Variants in NAV1 observed in about 807,000 individuals in gnomAD.
NAV1 encodes the protein neuron navigator 1.
Under a neutral mutation model 175.2 loss-of-function variants are expected in NAV1, and 18 were observed. That is an observed-to-expected ratio of 0.10 (90% CI 0.07 to 0.15). The LOEUF is 0.15. Ranked by LOEUF, NAV1 falls within the 10% of genes least tolerant of loss-of-function variation. NAV1 has a pLI of 1.00. For synonymous variants in NAV1, 897 were observed against 978.7 expected (o/e 0.92, Z 1.56); for missense variants, 1,731 against 2,436.6 (o/e 0.71, Z 6.10).
intron 10 of NAV1, among the ~76,000 whole-genome samples, chr1:201,789,353 A>G (rs1676963023): frequency 6.6e-6 from 1 of 152,206 alleles, no homozygotes; most frequent in Admixed American, 6.5e-5. Flanking sequence ...AGGCGCGGGC[A>G]GAATTTCAGT....
At chr1:201,570,008 G>A (rs1666482746) in intron 1 of NAV1, among the ~76,000 whole-genome samples, 1 of 152,204 alleles carries the variant, frequency 6.6e-6, no homozygotes, top group Non-Finnish European at 1.5e-5. Flanking sequence ...GATGACGGAT[G>A]TGGAAATATT....
In NAV1 at chr1:201,750,353, A is replaced by G. The variant is rs1674025923; in HGVS notation, c.1227-30068A>G. 6.6e-6 allele frequency among the ~76,000 whole-genome samples: 1 copy of G among 152,140 alleles called. No individual in the cohort carries two copies. The highest frequency in any genetic ancestry group is 1.5e-5 in the Non-Finnish European group (1 of 68,016). On this transcript the variant is annotated intron_variant, in intron 3 of 29. Coordinates refer to ENST00000367296, the Ensembl canonical transcript of NAV1. This position sits in a 1 kb window ranked among gnomAD's most constrained non-coding sequence, Gnocchi z 4.1. ...GAGAAATGACTGAGGTAAACTGTTC[A>G]TGGTATGAGAGTTGACCAAGTCAGG...
intron 1 of NAV1, among the ~76,000 whole-genome samples, chr1:201,577,417 G>A (rs931590030): frequency 2.7e-5 from 4 of 148,826 alleles, no homozygotes; most frequent in South Asian, 2.1e-4. Context: ...TTTATGTTTC[G>A]CATTTAAACA....
intron 3 of NAV1, among the ~76,000 whole-genome samples, chr1:201,732,809 G>A (rs187328195): frequency 5.9e-5 from 9 of 152,266 alleles, no homozygotes; most frequent in Non-Finnish European, 1.2e-4. Flanking sequence ...GGTGGGTCAC[G>A]CCTGTAATCC....
intron 1 of NAV1, among the ~76,000 whole-genome samples, chr1:201,543,958 G>C (rs1665594520): frequency 6.6e-6 from 1 of 152,184 alleles, no homozygotes; most frequent in African/African-American, 2.4e-5. Context: ...CTGTCTTCCA[G>C]TTTCCCACCA....
intron 1 of NAV1, among the ~76,000 whole-genome samples, chr1:201,689,275 T>C (rs1455497627): frequency 6.6e-6 from 1 of 152,244 alleles, no homozygotes; most frequent in African/African-American, 2.4e-5. Flanking sequence ...AATCCAATTA[T>C]GAATCCAAAT....
chr1:201,551,180 C>T (rs1019317415), intron 1 of NAV1, among the ~76,000 whole-genome samples: 1 of 152,138 alleles, frequency 6.6e-6, no homozygotes, highest in African/African-American at 2.4e-5. Flanking sequence ...TTGTCCTTTC[C>T]AATACACTCC....
chr1:201,576,151 C>T (rs987210077), intron 1 of NAV1, among the ~76,000 whole-genome samples: 3 of 152,178 alleles, frequency 2.0e-5, no homozygotes, highest in Non-Finnish European at 2.9e-5. Context: ...TAAAGGCACG[C>T]CCACTTCTCT....
At chr1:201,799,027 A>G (rs1677657264) in intron 15 of NAV1, among the ~76,000 whole-genome samples, 1 of 152,020 alleles carries the variant, frequency 6.6e-6, no homozygotes, top group Non-Finnish European at 1.5e-5. Context: ...AGGTGTGATA[A>G]TAGTACTGTG....
chr1:201,677,776 C>T (rs994050585), intron 1 of NAV1, among the ~76,000 whole-genome samples: 7 of 152,108 alleles, frequency 4.6e-5, no homozygotes, highest in South Asian at 2.1e-4. Flanking sequence ...CATAGGCATG[C>T]GCCGCCACGC....
At chr1:201,638,752 T>C (rs879701322) in intron 2 of NAV1, among the ~76,000 whole-genome samples, 12 of 151,838 alleles carry the variant, frequency 7.9e-5, no homozygotes. Flanking sequence ...AAAATGAAGA[T>C]AATGACAGCC....
At chr1:201,780,532 T>A in exon 4 of NAV1, 1 of 1,614,198 alleles carries the variant, frequency 6.2e-7, no homozygotes. Context: ...GTACTCCCAC[T>A]GCTTCTCGCA....
At chr1:201,704,716 G>T (rs1275312797) in intron 1 of NAV1, among the ~76,000 whole-genome samples, 1 of 152,208 alleles carries the variant, frequency 6.6e-6, no homozygotes, top group Non-Finnish European at 1.5e-5. Flanking sequence ...CAAAGATGAG[G>T]CCCCATCTCC....
intron 2 of NAV1, among the ~76,000 whole-genome samples, chr1:201,599,955 A>C (rs1384448384): frequency 1.3e-5 from 2 of 152,242 alleles, no homozygotes; most frequent in Admixed American, 1.3e-4. Context: ...GTGCTCAAAA[A>C]TAGGGGCTGA....
intron 2 of NAV1, among the ~76,000 whole-genome samples, chr1:201,598,984 C>T (rs554416948): frequency 6.6e-6 from 1 of 152,312 alleles, no homozygotes; most frequent in South Asian, 2.1e-4. Context: ...AAGGAGCTGC[C>T]TGTCATTCAG....
intron 1 of NAV1, among the ~76,000 whole-genome samples, chr1:201,698,077 C>T (rs115569080): frequency 3.3e-4 from 50 of 152,318 alleles, no homozygotes; most frequent in Non-Finnish European, 5.4e-4. Context: ...TGTGGCCTCT[C>T]GTCGTCTGAT....
In NAV1 at chr1:201,787,737, G is replaced by A. The variant is rs1456149616; in HGVS notation, c.2996-731G>A. 1 of 455,984 alleles carries A rather than the reference G, an allele frequency of 2.2e-6. No individual in the cohort carries two copies. Among genetic ancestry groups the A allele is most frequent in the African/African-American group, 2.0e-5 (1 of 50,064 alleles). The allele number at this position is 455,984 out of a possible 1,614,324, so 28.2% of individuals were successfully genotyped here. ...GAGCTCCTTGTGGGTATGAAACCCT[G>A]AAAGGCTGTAATCCCAGCAATGGGC... On this transcript the variant is annotated intron_variant, in intron 9 of 29. Coordinates refer to ENST00000367296, the Ensembl canonical transcript of NAV1. This position sits in a 1 kb window ranked among gnomAD's most constrained non-coding sequence, Gnocchi z 4.3.
intron 7 of NAV1, among the ~76,000 whole-genome samples, chr1:201,784,423 G>T (rs1340905490): frequency 6.6e-6 from 1 of 152,170 alleles, no homozygotes; most frequent in Non-Finnish European, 1.5e-5. Context: ...TTCCCAAAGT[G>T]CTGGGATTAC....
At chr1:201,747,215 C>T (rs143934113) in intron 3 of NAV1, among the ~76,000 whole-genome samples, 1 of 152,084 alleles carries the variant, frequency 6.6e-6, no homozygotes, top group Non-Finnish European at 1.5e-5. Flanking sequence ...CGTGGCTGTG[C>T]GGGCAGTTGC....
Sources: allele counts gnomAD v4.1 joint callset (sites outside exome capture counted in the v4.1 genomes callset), GRCh38; gene constraint gnomAD v4.1.1; non-coding constraint Gnocchi (gnomAD v3.1); transcripts MANE v1.5; gene names NCBI Gene and HGNC (gene_info 2026-07-23, HGNC 2026-07-21).